The following IQCM variants were observed in gnomAD, a reference collection of about 807,000 sequenced individuals.
IQCM encodes the protein IQ domain-containing protein M.
Under a neutral mutation model 57.6 loss-of-function variants are expected in IQCM, and 45 were observed. The observed-to-expected ratio is 0.78, with a 90% CI of 0.62 to 1.00. The LOEUF (loss-of-function observed/expected upper bound fraction) is 1.00. Ranked by LOEUF, IQCM falls within the 50% of genes least tolerant of loss-of-function variation. IQCM has a pLI of 0.00. For synonymous variants in IQCM, 148 were observed against 158.9 expected, an observed-to-expected ratio of 0.93 and a Z score of 0.51; for missense variants, 468 against 511.6, an observed-to-expected ratio of 0.91 and a Z score of 0.82.
chr4:149,760,971 AG>A (rs1248559795), intron 2 of IQCM, among the ~76,000 whole-genome samples: 3 of 152,144 alleles, frequency 2.0e-5, no homozygotes, highest in South Asian at 4.1e-4. Flanking sequence ...TTGCTTTTAG[AG>A]AATATGTCAA....
At chr4:149,815,406 A>G (rs141792571) in intron 1 of IQCM, 58 bp from the exon 2 acceptor site, 1 of 152,102 alleles carries the variant, frequency 6.6e-6, no homozygotes, top group Non-Finnish European at 1.5e-5. Context: ...AACAAAAAAC[A>G]TTGTCAACCA....
chr4:149,685,890 C>T (rs746017687), intron 6 of IQCM, among the ~76,000 whole-genome samples: 10 of 151,450 alleles, frequency 6.6e-5, no homozygotes, highest in Non-Finnish European at 1.3e-4. Context: ...TGACCCATCT[C>T]CAGACACTTT....
chr4:149,366,980 T>C (rs1034909300), intron 13 of IQCM, among the ~76,000 whole-genome samples: 2 of 151,972 alleles, frequency 1.3e-5, no homozygotes, highest in African/African-American at 4.8e-5. Flanking sequence ...AAACTAACAA[T>C]GAGAATAATA....
At chr4:149,707,617 TCTA>T (rs1764255025) in intron 5 of IQCM, among the ~76,000 whole-genome samples, 1 of 151,978 alleles carries the variant, frequency 6.6e-6, no homozygotes, top group South Asian at 2.1e-4. Flanking sequence ...CTAACACAAA[TCTA>T]CTATGTATGC....
chr4:149,598,576 T>C (rs1040823912), intron 8 of IQCM, among the ~76,000 whole-genome samples: 1 of 152,180 alleles, frequency 6.6e-6, no homozygotes, highest in South Asian at 2.1e-4. Flanking sequence ...TAAATACATT[T>C]TTTAAAATAC....
At chr4:149,503,519 T>C (rs984787148) in intron 12 of IQCM, among the ~76,000 whole-genome samples, 1 of 152,142 alleles carries the variant, frequency 6.6e-6, no homozygotes, top group Non-Finnish European at 1.5e-5. Flanking sequence ...ATAGAGTTTT[T>C]AGAGAAAATT....
intron 2 of IQCM, among the ~76,000 whole-genome samples, chr4:149,774,093 C>T (rs985348110): frequency 6.6e-5 from 10 of 152,048 alleles, no homozygotes; most frequent in South Asian, 4.1e-4. Context: ...ATAAGAAAAT[C>T]GTCTGTTAAA....
chr4:149,678,790 A>G (rs545683644), intron 7 of IQCM, among the ~76,000 whole-genome samples: 9 of 151,874 alleles, frequency 5.9e-5, no homozygotes, highest in Admixed American at 4.6e-4. Flanking sequence ...TAGGCATATG[A>G]AAAATGCTCA....
intron 12 of IQCM, among the ~76,000 whole-genome samples, chr4:149,527,761 G>A (rs1196634922): frequency 6.6e-6 from 1 of 152,114 alleles, no homozygotes; most frequent in Non-Finnish European, 1.5e-5. Context: ...TTTCACTCAA[G>A]TCTTTTTGCT....
Position 149,433,265 on chromosome 4 carries a change from A to G in IQCM, c.1390+131T>C, listed in dbSNP as rs774698305. On this transcript the variant is annotated intron_variant, in intron 13 of 13. Transcript: ENST00000636793. ...TTTTAAATTGCAGGCAGAGTATCTA[A>G]GAAGTAAAGAGAACATTCTATAAGA... The G allele has an allele frequency of 6.8e-6, 3 of 440,804 alleles. No homozygotes were observed. In the South Asian group the frequency reaches 3.8e-4, roughly 55 times the overall value. The allele number at this position is 440,804 out of a possible 1,614,324, so 27.3% of individuals were successfully genotyped here.
Position 149,443,580 on chromosome 4 carries a change from C to T in IQCM, c.1229-10023G>A, listed in dbSNP as rs894189969. Among the ~76,000 whole-genome samples the T allele has an allele frequency of 1.1e-4, 16 of 149,872 alleles. No individual in the cohort carries two copies. In the East Asian group the frequency reaches 2.4e-3, roughly 22 times the overall value. ...CCTACAACCTCTTCTTGGAATAAAA[C>T]GAAATGAAATACTAAGTCTTGTTAA... On this transcript the variant is annotated intron_variant, in intron 12 of 13. Coordinates refer to ENST00000636793, the MANE Select transcript of IQCM (RefSeq NM_001363507.2).
At chr4:149,599,202 T>C (rs952546609) in intron 8 of IQCM, among the ~76,000 whole-genome samples, 1 of 152,116 alleles carries the variant, frequency 6.6e-6, no homozygotes, top group Non-Finnish European at 1.5e-5. Flanking sequence ...AAATAAATTA[T>C]AGTATATTTA....
chr4:149,385,710 C>T (rs940475866), intron 13 of IQCM, among the ~76,000 whole-genome samples: 6 of 152,000 alleles, frequency 3.9e-5, no homozygotes, highest in Non-Finnish European at 8.8e-5. Flanking sequence ...ATCTTGACTC[C>T]TCCATTATTA....
intron 5 of IQCM, among the ~76,000 whole-genome samples, chr4:149,730,875 C>T (rs1028216033): frequency 3.3e-5 from 5 of 152,302 alleles, no homozygotes; most frequent in Non-Finnish European, 5.9e-5. Context: ...TTTTGTCTCT[C>T]ATACCTCACA....
intron 9 of IQCM, among the ~76,000 whole-genome samples, chr4:149,580,952 C>A (rs1447889301): frequency 6.6e-6 from 1 of 150,886 alleles, no homozygotes; most frequent in African/African-American, 2.4e-5. Flanking sequence ...TTGAAGATAC[C>A]CTGTTGAATA....
chr4:149,718,729 G>T (rs536292831), intron 5 of IQCM, among the ~76,000 whole-genome samples: 11 of 152,110 alleles, frequency 7.2e-5, no homozygotes, highest in Non-Finnish European at 1.3e-4. Flanking sequence ...GCCTCTTCCA[G>T]CTTCTGGCGA....
intron 12 of IQCM, among the ~76,000 whole-genome samples, chr4:149,538,458 G>T (rs1195006437): frequency 6.6e-6 from 1 of 151,782 alleles, no homozygotes; most frequent in African/African-American, 2.4e-5. Context: ...AAAGAAGGAA[G>T]TAAAGGAGGA....
chr4:149,517,753 G>A (rs993152900), intron 12 of IQCM, among the ~76,000 whole-genome samples: 2 of 152,152 alleles, frequency 1.3e-5, no homozygotes, highest in Non-Finnish European at 2.9e-5. Context: ...AGAGCAGGCA[G>A]AAAAATGTGA....
chr4:149,549,873 A>C (rs1467392838), intron 11 of IQCM, among the ~76,000 whole-genome samples: 1 of 152,230 alleles, frequency 6.6e-6, no homozygotes, highest in East Asian at 1.9e-4. Flanking sequence ...GATTCAAGAC[A>C]TATTTAGTGA....
Sources: gnomAD v4.1 joint callset for allele counts (sites outside exome capture counted in the v4.1 genomes callset) on GRCh38, gnomAD v4.1.1 for gene constraint, MANE v1.5 for transcripts, NCBI Gene and HGNC (gene_info 2026-07-23, HGNC 2026-07-21) for gene names.